NCOA4: variants seen among roughly 807,000 people sequenced by gnomAD.
NCOA4 encodes nuclear receptor coactivator 4, also known as 70 kDa AR-activator.
Under a neutral mutation model 69.5 loss-of-function variants are expected in NCOA4, and 31 were observed. The ratio of observed to expected loss-of-function variants is 0.45; its 90% CI spans 0.34 to 0.60. The LOEUF (loss-of-function observed/expected upper bound fraction) is 0.60, where lower values mean the gene tolerates loss of function less well. Ranked by LOEUF, NCOA4 falls within the 20% of genes least tolerant of loss-of-function variation. NCOA4 has a pLI of 0.02. For synonymous variants in NCOA4, 228 were observed against 252.4 expected (o/e 0.90, Z 0.92); for missense variants, 600 against 719.2 (o/e 0.83, Z 1.90).
intron 1 of NCOA4, chr10:46,023,594 T>C: frequency 6.6e-6 from 6 of 915,782 alleles, no homozygotes; most frequent in Middle Eastern, 5.5e-4. Context: ...CCGCTGGGCC[T>C]CCCTGCTAGA....
Position 46,006,487 on chromosome 10 carries a change from G to T in NCOA4, c.*105C>A. 2 of 1,277,062 alleles carry T rather than the reference G, an allele frequency of 1.6e-6. No homozygotes were observed. The highest frequency in any genetic ancestry group is 2.3e-6 in the Non-Finnish European group (2 of 875,130). 79.1% of individuals were successfully genotyped at this position (1,277,062 alleles called of 1,614,324 possible). A position where few individuals can be genotyped will look rare whatever the true frequency, so the allele number is the denominator to read the frequency against. ...CAAAATTAGGCAGGAGAAGAACTAA[G>T]CTAATTGGTCAGACCCAGAAACACA... On this transcript the variant is annotated 3_prime_UTR_variant, in exon 10 of 10. Transcript: ENST00000581486.
rs200796378 is a variant in NCOA4, at chr10:46,022,633, T to A, written c.-14-5939A>T. On this transcript the variant is annotated intron_variant, in intron 1 of 9. Coordinates refer to ENST00000581486, the MANE Select transcript of NCOA4 (RefSeq NM_001145263.2). ...GCGCCCGCCGCCACGCCCGGCTAAT[T>A]TTTTTGTATTTTTAGTAGAGACGGG... 4.9e-5 allele frequency: 16 copies of A among 327,062 alleles called. No individual in the cohort carries two copies. The East Asian group carries it at 1.4e-3, about 28-fold the overall frequency. The allele number at this position is 327,062 out of a possible 1,614,324, so 20.3% of individuals were successfully genotyped here.
chr10:46,012,121 C>G (rs1309828785), intron 7 of NCOA4, among the ~76,000 whole-genome samples: 4 of 100,148 alleles, frequency 4.0e-5, no homozygotes, highest in African/African-American at 1.5e-4. Context: ...AGAAAATACT[C>G]AACCTCCTTA....
rs1252185601 is a variant in NCOA4, at chr10:46,027,163, CG to C, written c.-15+3362del. ...GCGGGTGCCTGTAGTCCCAGCTACT[CG>C]GGAGGCTGAGGCAGAAGAATGGCGT... On this transcript the variant is annotated intron_variant, in intron 1 of 9. Transcript: ENST00000581486. Among the ~76,000 whole-genome samples, 56 of 148,988 alleles carry C rather than the reference CG, an allele frequency of 3.8e-4. 1 individual carries two copies. Among genetic ancestry groups the C allele is most frequent in the Non-Finnish European group, 1.5e-4 (10 of 67,518 alleles).
At chr10:46,024,913 G>C (rs1321109751) in intron 1 of NCOA4, among the ~76,000 whole-genome samples, 3 of 152,202 alleles carry the variant, frequency 2.0e-5, no homozygotes, top group Non-Finnish European at 2.9e-5. Context: ...AGGCTCCTGA[G>C]TTAGGGTTCT....
At chr10:46,008,707 G>A (rs1320961388) in intron 9 of NCOA4, among the ~76,000 whole-genome samples, 3 of 152,164 alleles carry the variant, frequency 2.0e-5, no homozygotes, top group Admixed American at 2.0e-4. Context: ...AATTTTGAAA[G>A]TTCTACTGTG....
At chr10:46,024,555 G>A (rs565666437) in intron 1 of NCOA4, among the ~76,000 whole-genome samples, 1 of 152,316 alleles carries the variant, frequency 6.6e-6, no homozygotes, top group South Asian at 2.1e-4. Flanking sequence ...CAAGCCAGCT[G>A]TAGCTGTTAC....
At chr10:46,021,162 G>A (rs782478644) in intron 1 of NCOA4, among the ~76,000 whole-genome samples, 6 of 152,144 alleles carry the variant, frequency 3.9e-5, no homozygotes, top group Non-Finnish European at 4.4e-5. Flanking sequence ...CAAATGAAGT[G>A]GTTATGTAAT....
At chr10:46,012,086 A>AAAAAAAAAAAC in intron 7 of NCOA4, among the ~76,000 whole-genome samples, 2 of 138,360 alleles carry the variant, frequency 1.4e-5, no homozygotes, top group African/African-American at 3.1e-5. Flanking sequence ...AAAAAAAAAA[A>AAAAAAAAAAAC]AAAAAAAAAA....
At chr10:46,018,871 T>C (rs1041175085) in intron 1 of NCOA4, among the ~76,000 whole-genome samples, 4 of 152,168 alleles carry the variant, frequency 2.6e-5, no homozygotes, top group Non-Finnish European at 5.9e-5. Flanking sequence ...CAAAGGAACT[T>C]TGCCAGGCCT....
Position 46,022,587 on chromosome 10 carries a change from G to C in NCOA4, c.-14-5893C>G, listed in dbSNP as rs181109604. The stretch of plus-strand genomic sequence containing the variant: ...ACCATTCTCCTGTCTCAGCCTCCCA[G>C]GTAGCTGGGACTGACTACAGGCGCC... On this transcript the variant is annotated intron_variant, in intron 1 of 9. Transcript: ENST00000581486. 1,399 of 392,024 alleles carry C rather than the reference G, an allele frequency of 3.6e-3. 12 individuals carry two copies. Among genetic ancestry groups the C allele is most frequent in the East Asian group, 0.017 (224 of 13,368 alleles). 24.3% of individuals were successfully genotyped at this position (392,024 alleles called of 1,614,324 possible).
chr10:46,010,218 C>G lies in NCOA4; in HGVS notation c.1698+5G>C. The G allele has an allele frequency of 1.3e-6, 2 of 1,584,084 alleles. No homozygotes were observed. The highest frequency in any genetic ancestry group is 1.7e-6 in the Non-Finnish European group (2 of 1,170,366). ...AACCAGTGCTATTTTGATGTTTATG[C>G]TCACCTGGGCCTTCTTTCGAAGCAG... On this transcript the variant is annotated splice_donor_5th_base_variant and intron_variant, in intron 8 of 9. Transcript: ENST00000581486.
chr10:46,017,754 G>C (rs1435065493), intron 1 of NCOA4, among the ~76,000 whole-genome samples: 1 of 152,118 alleles, frequency 6.6e-6, no homozygotes, highest in African/African-American at 2.4e-5. Flanking sequence ...GGAGCGAAAG[G>C]AAACACAAAT....
chr10:46,012,084 A>AAAAAAAAAAAAAC (rs1839256680), intron 7 of NCOA4, among the ~76,000 whole-genome samples: 1 of 136,910 alleles, frequency 7.3e-6, no homozygotes, highest in Non-Finnish European at 1.5e-5. Context: ...AAAAAAAAAA[A>AAAAAAAAAAAAAC]AAAAAAAAAA....
chr10:46,017,983 G>A (rs1028010860), intron 1 of NCOA4, among the ~76,000 whole-genome samples: 1 of 152,174 alleles, frequency 6.6e-6, no homozygotes, highest in Non-Finnish European at 1.5e-5. Context: ...GCAAGTCAAG[G>A]TAATGCTGTA....
At chr10:46,022,063 G>A (rs1164844161) in intron 1 of NCOA4, among the ~76,000 whole-genome samples, 4 of 152,072 alleles carry the variant, frequency 2.6e-5, no homozygotes, top group African/African-American at 4.8e-5. Context: ...TTGATTCAAC[G>A]TCTGTATCAC....
intron 1 of NCOA4, chr10:46,022,477 T>C (rs1554924618): frequency 8.6e-6 from 4 of 467,156 alleles, no homozygotes; most frequent in Non-Finnish European, 1.8e-5. Context: ...GGTTTTTTTT[T>C]TGTTTTGAGA....
At position 46,009,519 on chromosome 10, in the gene NCOA4, T is replaced by G; in HGVS notation, c.1731A>C (p.Glu577Asp). The G allele has an allele frequency of 6.2e-7, 1 of 1,611,144 alleles. No homozygotes were observed. The highest frequency in any genetic ancestry group is 8.5e-7 in the Non-Finnish European group (1 of 1,179,198). The change falls in exon 9 of 10, where the codon GAA becomes GAC. Residue 577 changes from glutamate (E) to aspartate (D), a missense_variant. Coordinates refer to ENST00000581486, the MANE Select transcript of NCOA4 (RefSeq NM_001145263.2). ...CATAATGGTCTGGGGGGAAGTTATG[T>G]TCCTCCTGTAGAGGTGAATTAAGTA... is the stretch of plus-strand genomic sequence containing the variant. ...EVLLNSPLQEEHNFPPDHYGL... is the reference protein window; with the variant it reads ...EVLLNSPLQEDHNFPPDHYGL...
In NCOA4 at chr10:46,006,259, A is replaced by C. The variant is rs1590142804; in HGVS notation, c.*333T>G. 5.4e-6 allele frequency: 2 copies of C among 367,686 alleles called. No homozygotes were observed. Among genetic ancestry groups the C allele is most frequent in the Non-Finnish European group, 5.0e-6 (1 of 198,824 alleles). The allele number at this position is 367,686 out of a possible 1,614,324, so 22.8% of individuals were successfully genotyped here. ...ATACTTCGATAAACAAGAGTGTTTTAATGTACTTTTAGTAACGACCCAATC... is the reference window on the plus strand; with the variant it reads ...ATACTTCGATAAACAAGAGTGTTTTCATGTACTTTTAGTAACGACCCAATC... On this transcript the variant is annotated 3_prime_UTR_variant, in exon 10 of 10. Transcript: ENST00000581486.
Sources: allele counts gnomAD v4.1 joint callset (sites outside exome capture counted in the v4.1 genomes callset), GRCh38; gene constraint gnomAD v4.1.1; transcripts MANE v1.5; gene names NCBI Gene and HGNC (gene_info 2026-07-23, HGNC 2026-07-21).